Variants in MSL2 observed in about 807,000 individuals in gnomAD.
MSL2 encodes MSL complex subunit 2.
Under a neutral mutation model 35.8 loss-of-function variants are expected in MSL2, and 2 were observed. The observed-to-expected ratio is 0.06, with a 90% CI of 0.02 to 0.18. The LOEUF (loss-of-function observed/expected upper bound fraction) is 0.18, where lower values mean the gene tolerates loss of function less well. Among genes scored for constraint, MSL2 ranks in the 10% least tolerant of loss-of-function variants. MSL2 has a pLI of 1.00. For synonymous variants in MSL2, 296 were observed against 255.7 expected (o/e 1.16, Z -1.50); for missense variants, 523 against 706.7 (o/e 0.74, Z 2.95).
chr3:136,166,062 T>TAAAAAAAAAAAAAAAAA (rs34420183), intron 1 of MSL2, among the ~76,000 whole-genome samples: 2 of 80,082 alleles, frequency 2.5e-5, no homozygotes, highest in Non-Finnish European at 4.7e-5. Context: ...TACGTACCAG[T>TAAAAAAAAAAAAAAAAA]AAAAAAAAAA....
At chr3:136,184,750 A>AAG (rs1491477557) in intron 1 of MSL2, among the ~76,000 whole-genome samples, 2 of 74,618 alleles carry the variant, frequency 2.7e-5, no homozygotes, top group African/African-American at 6.4e-5. Flanking sequence ...AAAAAAAAAA[A>AAG]GGGGGGGGGG....
chr3:136,185,013 AG>A (rs1193556448), intron 1 of MSL2, among the ~76,000 whole-genome samples: 1 of 152,066 alleles, frequency 6.6e-6, no homozygotes, highest in Non-Finnish European at 1.5e-5. Context: ...CTTGCTCTGT[AG>A]CCCAGGCTGG....
chr3:136,182,415 T>C (rs144988010), intron 1 of MSL2, among the ~76,000 whole-genome samples: 22 of 152,274 alleles, frequency 1.4e-4, no homozygotes, highest in African/African-American at 2.6e-4. Context: ...TTTTCAAATA[T>C]TGACGAACAG....
In MSL2 at chr3:136,195,924, C is replaced by A; in HGVS notation, c.-811G>T. 1 of 626,134 alleles carries A rather than the reference C, an allele frequency of 1.6e-6. No individual in the cohort carries two copies. Among genetic ancestry groups the A allele is most frequent in the East Asian group, 1.4e-4 (1 of 7,246 alleles). 38.8% of individuals were successfully genotyped at this position (626,134 alleles called of 1,614,324 possible). A position where few individuals can be genotyped will look rare whatever the true frequency, so the allele number is the denominator to read the frequency against. On this transcript the variant is annotated 5_prime_UTR_variant, in exon 1 of 2. Transcript: ENST00000309993. The stretch of plus-strand genomic sequence containing the variant: ...GCGGCGGCGCCCCTCGCGCCTCAGT[C>A]GCACACTCCGGGGTCACCAGACTCA...
rs746890019 is a variant in MSL2 at position 136,151,119 on chromosome 3, C to A, written c.*28G>T. On this transcript the variant is annotated 3_prime_UTR_variant, in exon 2 of 2. Transcript: ENST00000309993. This position sits in a 1 kb window ranked among gnomAD's most constrained non-coding sequence, Gnocchi z 5.2. Reference sequence around the variant, plus strand: ...CGTAAAACTGTAGCTATTTCCCTACCAGGAGTAGGTTTAAAAGACCCACTG... The same window carrying A: ...CGTAAAACTGTAGCTATTTCCCTACAAGGAGTAGGTTTAAAAGACCCACTG... The A allele has an allele frequency of 3.1e-6, 5 of 1,594,498 alleles. No individual in the cohort carries two copies. Among genetic ancestry groups the A allele is most frequent in the Non-Finnish European group, 4.3e-6 (5 of 1,165,582 alleles).
chr3:136,172,732 G>C (rs561064065), intron 1 of MSL2, among the ~76,000 whole-genome samples: 20 of 151,928 alleles, frequency 1.3e-4, no homozygotes, highest in South Asian at 1.2e-3. Context: ...ACCCCTTTGA[G>C]AATCTGACTA....
intron 1 of MSL2, among the ~76,000 whole-genome samples, chr3:136,181,177 A>G (rs974542436): frequency 6.6e-6 from 1 of 151,744 alleles, no homozygotes. Context: ...AGTAACAAAA[A>G]TCGTGAACCA....
At chr3:136,182,381 T>TA (rs1434415177) in intron 1 of MSL2, among the ~76,000 whole-genome samples, 3 of 152,148 alleles carry the variant, frequency 2.0e-5, no homozygotes, top group African/African-American at 7.2e-5. Flanking sequence ...CTGAAATAAC[T>TA]AAAAAACAGA....
chr3:136,195,970 CG>C lies in MSL2; in HGVS notation c.-858del, dbSNP rs1229326782. On this transcript the variant is annotated 5_prime_UTR_variant, in exon 1 of 2. It removes the in-frame stop codon of an upstream open reading frame in the 5' UTR. Transcript: ENST00000309993. ...ACTCAAGCGCCGCCCCCTCACTGCCCGGCCATTTTTTCGGCGCCACACACAC... is the reference window on the plus strand; with the variant it reads ...ACTCAAGCGCCGCCCCCTCACTGCCCGCCATTTTTTCGGCGCCACACACAC... 3.3e-6 allele frequency: 1 copy of C among 298,948 alleles called. No homozygotes were observed. The highest frequency in any genetic ancestry group is 4.9e-6 in the Non-Finnish European group (1 of 203,380). The allele number at this position is 298,948 out of a possible 1,614,324, so 18.5% of individuals were successfully genotyped here.
chr3:136,185,089 C>T (rs2108090923), intron 1 of MSL2, among the ~76,000 whole-genome samples: 1 of 152,178 alleles, frequency 6.6e-6, no homozygotes, highest in South Asian at 2.1e-4. Context: ...ATTCTCCTGC[C>T]TCAGCCTCCC....
chr3:136,152,275 T>C lies in MSL2; in HGVS notation c.606A>G (p.Ile202Met). Residue 202 changes from isoleucine to methionine, a missense_variant, in exon 2 of 2, where the codon ATA becomes ATG. By Grantham distance (10) the Ile-to-Met change is conservative. This residue lies in a region of MSL2 where 361 missense variants were observed against 414.6 expected (regional missense o/e 0.87). Transcript: ENST00000309993. ...NGLPTYNGLS[I>M]DRFGINIPSP... ...AAGGAATATTTATACCAAATCTATCTATTGAAAGCCCATTATAAGTAGGCA... is the reference window on the plus strand; with the variant it reads ...AAGGAATATTTATACCAAATCTATCCATTGAAAGCCCATTATAAGTAGGCA... 6.2e-7 allele frequency: 1 copy of C among 1,614,070 alleles called. No homozygotes were observed.
At chr3:136,194,046 T>C (rs187289966) in intron 1 of MSL2, among the ~76,000 whole-genome samples, 93 of 152,370 alleles carry the variant, frequency 6.1e-4, no homozygotes, top group South Asian at 1.9e-3. Context: ...TGCCTGAATT[T>C]CCCAGGTTCT....
intron 1 of MSL2, among the ~76,000 whole-genome samples, chr3:136,174,974 T>A (rs893951534): frequency 1.3e-5 from 2 of 152,218 alleles, no homozygotes; most frequent in African/African-American, 4.8e-5. Context: ...GGGAATGTAA[T>A]AGCAATAAAC....
At chr3:136,153,358 AT>A (rs1176694942) in intron 1 of MSL2, among the ~76,000 whole-genome samples, 1 of 152,218 alleles carries the variant, frequency 6.6e-6, no homozygotes, top group African/African-American at 2.4e-5. Flanking sequence ...AGTAAGAGAG[AT>A]TTAGTCCCTG....
intron 1 of MSL2, among the ~76,000 whole-genome samples, chr3:136,156,900 G>GC (rs1015919414): frequency 3.9e-5 from 6 of 152,050 alleles, no homozygotes; most frequent in African/African-American, 1.2e-4. Flanking sequence ...TTTCCTCCAA[G>GC]CTATGCAATC....
intron 1 of MSL2, among the ~76,000 whole-genome samples, chr3:136,154,026 C>T (rs1006972975): frequency 6.0e-5 from 9 of 150,222 alleles, no homozygotes; most frequent in African/African-American, 9.8e-5. Flanking sequence ...GAGGTTGCAG[C>T]GAGCTGAGAT....
chr3:136,159,523 C>T (rs1939639161), intron 1 of MSL2, among the ~76,000 whole-genome samples: 1 of 143,676 alleles, frequency 7.0e-6, no homozygotes, highest in African/African-American at 2.6e-5. Flanking sequence ...GCCACCACGC[C>T]CAGCTATTTT....
Position 136,152,512 on chromosome 3 carries a change from A to C in MSL2, c.369T>G (p.Val123=), listed in dbSNP as rs1939402990. 1 of 1,614,224 alleles carries C rather than the reference A, an allele frequency of 6.2e-7. No individual in the cohort carries two copies. The highest frequency in any genetic ancestry group is 8.5e-7 in the Non-Finnish European group (1 of 1,180,030). Residue 123 remains valine, a synonymous_variant, in exon 2 of 2, where the codon GTT becomes GTG. Coordinates refer to ENST00000309993, the MANE Select transcript of MSL2 (RefSeq NM_018133.4). ...TTLARDIIEA[V]DCSSDILALL... ...AAGCCAAAATATCAGAAGAACAGTC[A>C]ACTGCTTCTATTATATCCCGTGCCA...
At chr3:136,194,789 TCTGC>T (rs921515139) in intron 1 of MSL2, among the ~76,000 whole-genome samples, 179 bp downstream of exon 1, 9 of 152,134 alleles carry the variant, frequency 5.9e-5, no homozygotes, top group Admixed American at 5.2e-4. Flanking sequence ...GAAAGGGTTC[TCTGC>T]CTTTCTGAAA....
Sources: allele counts gnomAD v4.1 joint callset (sites outside exome capture counted in the v4.1 genomes callset), GRCh38; gene constraint gnomAD v4.1.1; regional missense constraint gnomAD v4.1.1; non-coding constraint Gnocchi (gnomAD v3.1); transcripts MANE v1.5; gene names NCBI Gene and HGNC (gene_info 2026-07-23, HGNC 2026-07-21).